The following MAP3K15 variants were observed in gnomAD, a reference collection of about 807,000 sequenced individuals.
The protein encoded by MAP3K15 is mitogen-activated protein kinase kinase kinase 15.
MAP3K15 carries 124 observed loss-of-function variants against 99.5 expected under a neutral mutation model. The ratio of observed to expected loss-of-function variants is 1.25; its 90% CI spans 1.08 to 1.45. MAP3K15 has a LOEUF of 1.45. Ranked by LOEUF, MAP3K15 falls within the 40% of genes most tolerant of loss-of-function variation. The probability of loss-of-function intolerance (pLI) is 0.00; values close to 1 mark genes in which losing one functional copy is unlikely to be tolerated. For synonymous variants in MAP3K15, 494 were observed against 439.6 expected, an observed-to-expected ratio of 1.12 and a Z score of -1.55; for missense variants, 1,242 against 1,079.7, an observed-to-expected ratio of 1.15 and a Z score of -2.11.
At chrX:19,404,011 A>G (rs1216365071) in intron 13 of MAP3K15, among the ~76,000 whole-genome samples, 2 of 111,702 alleles carry the variant, frequency 1.8e-5, no homozygotes, top group Non-Finnish European at 3.8e-5. Flanking sequence ...ATTGTGCTGG[A>G]GAGTCTAGCT....
At chrX:19,445,002 G>A (rs140131699) in intron 6 of MAP3K15, among the ~76,000 whole-genome samples, 1,488 of 110,440 alleles carry the variant, frequency 0.013, 10 homozygotes, top group Middle Eastern at 0.028. Context: ...CAGCTTCCTC[G>A]TCCACTGGAT....
In MAP3K15 at chrX:19,372,796, G is replaced by A. The variant is rs141617385; in HGVS notation, c.2965C>T (p.Arg989Trp). The change falls in exon 22 of 29, where the codon CGG becomes TGG. Residue 989 changes from arginine (R) to tryptophan (W), a missense_variant. Arg to Trp is a moderately radical substitution (Grantham distance 101). Transcript: ENST00000338883. The part of the protein sequence containing the change: ...VPDESSALED[R>W]GLASSPEDRD... ...TCCTCCGGGGACGAGGCCAAGCCCC[G>A]GTCTTCCAAGGCTGAGCTCTCGTCT... 11 of 1,210,468 alleles carry A rather than the reference G, an allele frequency of 9.1e-6. No homozygotes were observed. Among genetic ancestry groups the A allele is most frequent in the Middle Eastern group, 2.3e-4 (1 of 4,336 alleles).
At chrX:19,478,466 A>G (rs2064267777) in intron 3 of MAP3K15, among the ~76,000 whole-genome samples, 1 of 108,259 alleles carries the variant, frequency 9.2e-6, no homozygotes, top group South Asian at 4.2e-4. Context: ...GCCATAGGAA[A>G]CTGAAGGCCT....
rs1343298484 is a variant in MAP3K15 at position 19,508,939 on chromosome X, T to C, written c.361+5962A>G. On this transcript the variant is annotated intron_variant, in intron 1 of 28. Coordinates refer to ENST00000338883, the MANE Select transcript of MAP3K15 (RefSeq NM_001001671.4). The stretch of plus-strand genomic sequence containing the variant: ...TTAAAAATAAATATTTAAAAATAAT[T>C]TAGAAAACACAAATGGGACATGCCC... Among the ~76,000 whole-genome samples the C allele has an allele frequency of 3.6e-5, 4 of 111,901 alleles. No homozygotes were observed. In the East Asian group the frequency reaches 1.1e-3, roughly 31 times the overall value.
At chrX:19,504,284 C>A (rs775673216) in intron 1 of MAP3K15, among the ~76,000 whole-genome samples, 3 of 111,775 alleles carry the variant, frequency 2.7e-5, no homozygotes, top group Non-Finnish European at 5.6e-5. Context: ...CTTTAATCCC[C>A]GATCTTCAAG....
chrX:19,435,472 T>C (rs1428622459), intron 6 of MAP3K15, among the ~76,000 whole-genome samples: 2 of 111,970 alleles, frequency 1.8e-5, no homozygotes, highest in African/African-American at 3.2e-5. Context: ...CTCAGGTTTG[T>C]TTGGATTTTA....
At chrX:19,457,106 T>C in intron 5 of MAP3K15, 87 bp from the exon 6 acceptor site, 1 of 626,229 alleles carries the variant, frequency 1.6e-6, no homozygotes, top group Non-Finnish European at 2.5e-6. Context: ...GGAGACAGCC[T>C]CCGCACTTAA....
chrX:19,442,692 ATT>A (rs1350843166), intron 6 of MAP3K15, among the ~76,000 whole-genome samples: 2 of 97,006 alleles, frequency 2.1e-5, no homozygotes, highest in African/African-American at 7.8e-5. Flanking sequence ...CCTGGCTTTT[ATT>A]TTATTATTAT....
intron 1 of MAP3K15, among the ~76,000 whole-genome samples, chrX:19,514,435 G>A (rs1004132688): frequency 1.1e-5 from 1 of 92,372 alleles, no homozygotes; most frequent in African/African-American, 4.1e-5. Flanking sequence ...CTAAATGCCC[G>A]TGGCCTCTAT....
chrX:19,453,742 T>C (rs2064073636), intron 6 of MAP3K15, among the ~76,000 whole-genome samples: 1 of 112,106 alleles, frequency 8.9e-6, no homozygotes, highest in Non-Finnish European at 1.9e-5. Flanking sequence ...CAAGATGCTT[T>C]TAGGAGCCTG....
intron 25 of MAP3K15, among the ~76,000 whole-genome samples, chrX:19,363,111 G>A (rs1309826327): frequency 2.7e-5 from 3 of 111,878 alleles, no homozygotes; most frequent in Non-Finnish European, 3.8e-5. Flanking sequence ...ATATATTTTT[G>A]CAATGGACTC....
At chrX:19,465,830 G>GGTGTGT (rs10589040) in intron 3 of MAP3K15, among the ~76,000 whole-genome samples, 11,514 of 93,841 alleles carry the variant, frequency 0.12, 1,205 homozygotes, top group African/African-American at 0.33. Flanking sequence ...GGTGTGTAGG[G>GGTGTGT]GTGTGTGTGT....
intron 1 of MAP3K15, among the ~76,000 whole-genome samples, chrX:19,492,131 A>C (rs1234957390): frequency 9.1e-6 from 1 of 109,852 alleles, no homozygotes; most frequent in Non-Finnish European, 1.9e-5. Context: ...GGCCTCTTTA[A>C]AACTTTTTAT....
chrX:19,487,824 C>T (rs1468988349), intron 2 of MAP3K15, among the ~76,000 whole-genome samples: 7 of 111,637 alleles, frequency 6.3e-5, no homozygotes, highest in Non-Finnish European at 9.4e-5. Flanking sequence ...AATTGTACTA[C>T]TATCTACCAG....
chrX:19,511,519 C>T (rs1278135537), intron 1 of MAP3K15, among the ~76,000 whole-genome samples: 1 of 111,728 alleles, frequency 9.0e-6, no homozygotes, highest in Non-Finnish European at 1.9e-5. Flanking sequence ...TATGAACAGA[C>T]ACTTTTCAAA....
intron 6 of MAP3K15, among the ~76,000 whole-genome samples, chrX:19,441,240 G>C (rs2063957361): frequency 9.0e-6 from 1 of 111,096 alleles, no homozygotes. Context: ...TCAGGCTAGA[G>C]AGTGAGGCGG....
chrX:19,499,865 G>A (rs2064430046), intron 1 of MAP3K15, among the ~76,000 whole-genome samples: 1 of 112,346 alleles, frequency 8.9e-6, no homozygotes, highest in Non-Finnish European at 1.9e-5. Context: ...GATGGGGGTT[G>A]CATTAGACAG....
intron 7 of MAP3K15, among the ~76,000 whole-genome samples, chrX:19,426,772 C>T (rs1337794573): frequency 5.4e-5 from 5 of 92,107 alleles, no homozygotes; most frequent in Non-Finnish European, 4.1e-5. Flanking sequence ...GAGCCAAGAT[C>T]GTGCCACTGC....
chrX:19,497,808 TTAC>T (rs932039440), intron 1 of MAP3K15: 1 of 111,237 alleles, frequency 9.0e-6, no homozygotes, highest in African/African-American at 3.3e-5. Context: ...TATATTCTGA[TTAC>T]TACTACTACA....
Sources: allele counts gnomAD v4.1 joint callset (sites outside exome capture counted in the v4.1 genomes callset), GRCh38; gene constraint gnomAD v4.1.1; transcripts MANE v1.5; gene names NCBI Gene and HGNC (gene_info 2026-07-23, HGNC 2026-07-21).